SH3RF2: variants seen among roughly 807,000 people sequenced by gnomAD.
SH3RF2 encodes E3 ubiquitin-protein ligase SH3RF2.
A neutral mutation model predicts 59.0 loss-of-function variants in SH3RF2; 43 were observed. That is an observed-to-expected ratio of 0.73 (90% CI 0.57 to 0.94). The LOEUF (loss-of-function observed/expected upper bound fraction) is 0.94. Ranked by LOEUF, SH3RF2 falls within the 40% of genes least tolerant of loss-of-function variation. The pLI, the probability that SH3RF2 is intolerant of heterozygous loss-of-function variation, is 0.00. For synonymous variants in SH3RF2, 391 were observed against 391.5 expected, an observed-to-expected ratio of 1.00 and a Z score of 0.01; for missense variants, 930 against 940.1, an observed-to-expected ratio of 0.99 and a Z score of 0.14.
Position 146,000,076 on chromosome 5 carries a change from T to A in SH3RF2, c.397T>A (p.Leu133Ile). Residue 133 changes from leucine (L) to isoleucine (I), a missense_variant, in exon 3 of 10, where the codon TTA becomes ATA. By Grantham distance (5) the Leu-to-Ile change is conservative. Coordinates refer to ENST00000359120, the MANE Select transcript of SH3RF2 (RefSeq NM_152550.4). ...HMDGVPRAKA[L>I]CNYRGQNPGD... ...ATTGCAGGTGCCTCGAGCAAAGGCC[T>A]TATGCAACTACAGAGGGCAGAATCC... 6.2e-7 allele frequency: 1 copy of A among 1,613,188 alleles called. No homozygotes were observed. Among genetic ancestry groups the A allele is most frequent in the Non-Finnish European group, 8.5e-7 (1 of 1,179,628 alleles).
intron 2 of SH3RF2, 57 bp from the exon 3 acceptor site, chr5:146,000,001 T>A (rs1011044232): frequency 6.4e-7 from 1 of 1,567,638 alleles, no homozygotes; most frequent in African/African-American, 1.4e-5. Flanking sequence ...TGCTTGTATC[T>A]TCTGTTCCTC....
intron 5 of SH3RF2, among the ~76,000 whole-genome samples, chr5:146,046,689 C>A (rs1762315793): frequency 6.6e-6 from 1 of 152,100 alleles, no homozygotes; most frequent in Non-Finnish European, 1.5e-5. Context: ...CACTCATAAT[C>A]TGTGATATGT....
intron 2 of SH3RF2, among the ~76,000 whole-genome samples, chr5:145,944,852 A>G (rs1314176139): frequency 5.9e-5 from 9 of 152,186 alleles, no homozygotes; most frequent in Admixed American, 5.9e-4. Flanking sequence ...GCTCAGTCAT[A>G]ATGCAAAAGA....
At chr5:145,979,754 A>G (rs1759439657) in intron 2 of SH3RF2, among the ~76,000 whole-genome samples, 1 of 152,234 alleles carries the variant, frequency 6.6e-6, no homozygotes, top group African/African-American at 2.4e-5. Flanking sequence ...TTTACCTCAT[A>G]GGGATTGTTG....
rs550812771 is a variant in SH3RF2, at chr5:145,953,671, T to C, written c.378+15365T>C. Among the ~76,000 whole-genome samples the C allele has an allele frequency of 2.6e-5, 4 of 152,258 alleles. No individual in the cohort carries two copies. The East Asian group carries it at 7.7e-4, about 29-fold the overall frequency. The stretch of plus-strand genomic sequence containing the variant: ...TTCATCACCCAGGAATTAAGCCTAG[T>C]ACCCAAAAGTTACTTTTTCTGCTCC... On this transcript the variant is annotated intron_variant, in intron 2 of 9. Transcript: ENST00000359120.
At chr5:145,990,234 G>A (rs528787485) in intron 2 of SH3RF2, among the ~76,000 whole-genome samples, 1 of 152,202 alleles carries the variant, frequency 6.6e-6, no homozygotes, top group South Asian at 2.1e-4. Context: ...CTTCTTTCAG[G>A]AAAGTGCGTC....
exon 10 of SH3RF2, chr5:146,081,433 G>A (rs1763424127): frequency 6.6e-6 from 1 of 152,104 alleles, no homozygotes; most frequent in Non-Finnish European, 1.5e-5. Flanking sequence ...TGATTCTGTG[G>A]TAGACTCAGT....
intron 7 of SH3RF2, among the ~76,000 whole-genome samples, chr5:146,050,361 A>AT (rs1762453982): frequency 6.6e-6 from 1 of 152,098 alleles, no homozygotes; most frequent in South Asian, 2.1e-4. Context: ...TAGCCCATAG[A>AT]TTTTTCCAAC....
intron 2 of SH3RF2, among the ~76,000 whole-genome samples, chr5:145,956,016 G>A (rs1758393147): frequency 6.6e-6 from 1 of 152,144 alleles, no homozygotes; most frequent in Non-Finnish European, 1.5e-5. Context: ...GAGTGTGGAA[G>A]CATGCATGGA....
chr5:145,993,847 C>T (rs757536823), intron 2 of SH3RF2, among the ~76,000 whole-genome samples: 4 of 152,178 alleles, frequency 2.6e-5, no homozygotes, highest in African/African-American at 9.7e-5. Flanking sequence ...GGGATTAACA[C>T]TCAGCTTATT....
At chr5:146,041,886 G>A (rs899698240) in intron 5 of SH3RF2, among the ~76,000 whole-genome samples, 2 of 152,154 alleles carry the variant, frequency 1.3e-5, no homozygotes, top group African/African-American at 4.8e-5. Flanking sequence ...AGCCATGATT[G>A]CACCATGGCA....
At position 145,948,782 on chromosome 5, in the gene SH3RF2, G is replaced by A. The variant is rs776573727; in HGVS notation, c.378+10476G>A. Reference sequence around the variant, plus strand: ...ACCCAGGTTGGTCTTAGGTTCCTCCGCAGGTTCCCAGTCTCCAGTGCTATC... The same window carrying A: ...ACCCAGGTTGGTCTTAGGTTCCTCCACAGGTTCCCAGTCTCCAGTGCTATC... On this transcript the variant is annotated intron_variant, in intron 2 of 9. Coordinates refer to ENST00000359120, the MANE Select transcript of SH3RF2 (RefSeq NM_152550.4). Among the ~76,000 whole-genome samples the A allele has an allele frequency of 3.0e-4, 46 of 152,094 alleles. 1 individual carries two copies. Among genetic ancestry groups the A allele is most frequent in the Admixed American group, 2.0e-4 (3 of 15,270 alleles).
At chr5:146,057,956 CTCTCTCTCTCTCTATCTA>C (rs879454144) in intron 8 of SH3RF2, among the ~76,000 whole-genome samples, 188 of 131,588 alleles carry the variant, frequency 1.4e-3, no homozygotes, top group Middle Eastern at 7.1e-3. Context: ...CTCTCTCTCT[CTCTCTCTCTCTCTATCTA>C]TCTATCTATC....
chr5:146,062,686 G>A lies in SH3RF2; in HGVS notation c.2175G>A (p.Val725=), dbSNP rs755223526. 8.7e-6 allele frequency: 14 copies of A among 1,612,974 alleles called. No homozygotes were observed. In the East Asian group the frequency reaches 8.9e-5, roughly 10 times the overall value. Residue 725 remains valine (V), a synonymous_variant, in exon 10 of 10, where the codon GTG becomes GTA. Transcript: ENST00000359120. The part of the protein sequence containing the change: ...LVSTASGTQT[V]FPSK ...CCACTGCCTCAGGCACGCAGACCGTGTTTCCCAGCAAATGAACCTACGGGT... is the reference window on the plus strand; with the variant it reads ...CCACTGCCTCAGGCACGCAGACCGTATTTCCCAGCAAATGAACCTACGGGT...
rs1762064132 is a variant in SH3RF2 at position 146,039,814 on chromosome 5, A to C, written c.1060-7958A>C. ...GACATGTACAAAAATGTTCATAGTA[A>C]CATCACTCATAACAGCCCCAAACTG... On this transcript the variant is annotated intron_variant, in intron 5 of 9. Transcript: ENST00000359120. Among the ~76,000 whole-genome samples the C allele has an allele frequency of 2.6e-5, 4 of 152,372 alleles. No individual in the cohort carries two copies. In the South Asian group the frequency reaches 8.3e-4, roughly 32 times the overall value.
intron 5 of SH3RF2, among the ~76,000 whole-genome samples, chr5:146,027,742 A>G (rs536902181): frequency 3.3e-5 from 5 of 152,252 alleles, no homozygotes; most frequent in East Asian, 1.9e-4. Flanking sequence ...AGCCAGGTGA[A>G]AAAAGGAAGC....
intron 5 of SH3RF2, among the ~76,000 whole-genome samples, chr5:146,025,860 C>A (rs979621788): frequency 6.6e-6 from 1 of 152,174 alleles, no homozygotes; most frequent in African/African-American, 2.4e-5. Flanking sequence ...AAGTATCTAA[C>A]CCCAATAAGC....
Position 146,062,725 on chromosome 5 carries a change from C to T in SH3RF2, c.*24C>T. The T allele has an allele frequency of 6.2e-7, 1 of 1,601,306 alleles. No individual in the cohort carries two copies. The highest frequency in any genetic ancestry group is 1.1e-5 in the South Asian group (1 of 89,112). On this transcript the variant is annotated 3_prime_UTR_variant, in exon 10 of 10. Coordinates refer to ENST00000359120, the MANE Select transcript of SH3RF2 (RefSeq NM_152550.4). ...GAACCTACGGGTGGCTTTTCCTAGA[C>T]CCCAAAGAGGTGAATTGCATTTAAA...
At chr5:146,017,620 G>C (rs1761154153) in intron 5 of SH3RF2, among the ~76,000 whole-genome samples, 1 of 152,070 alleles carries the variant, frequency 6.6e-6, no homozygotes, top group South Asian at 2.1e-4. Flanking sequence ...CAGGGTAGCA[G>C]AACTGCTATG....
Sources: allele counts gnomAD v4.1 joint callset (sites outside exome capture counted in the v4.1 genomes callset), GRCh38; gene constraint gnomAD v4.1.1; transcripts MANE v1.5; gene names NCBI Gene and HGNC (gene_info 2026-07-23, HGNC 2026-07-21).